Variants in KCNC2 observed in about 807,000 individuals in gnomAD.
KCNC2 encodes potassium voltage-gated channel subfamily C member 2, also known as voltage-gated potassium channel KCNC2.
Under a neutral mutation model 44.5 loss-of-function variants are expected in KCNC2, and 21 were observed. That is an observed-to-expected ratio of 0.47 (90% CI 0.33 to 0.68). KCNC2 has a LOEUF of 0.68. KCNC2 is among the 30% of genes least tolerant of loss of function. The probability of loss-of-function intolerance (pLI) is 0.01; values close to 1 mark genes in which losing one functional copy is unlikely to be tolerated. For missense variants in KCNC2, 589 were observed against 826.2 expected, an observed-to-expected ratio of 0.71 and a Z score of 3.52; for synonymous variants, 391 against 339.1, an observed-to-expected ratio of 1.15 and a Z score of -1.68.
chr12:75,115,941 G>T (rs1242211490), intron 2 of KCNC2, among the ~76,000 whole-genome samples: 3 of 152,054 alleles, frequency 2.0e-5, no homozygotes, highest in Non-Finnish European at 4.4e-5. Context: ...GAAATTACAG[G>T]TTGCTTGAGC....
intron 2 of KCNC2, among the ~76,000 whole-genome samples, chr12:75,052,141 T>C (rs1881247141): frequency 6.6e-6 from 1 of 152,104 alleles, no homozygotes; most frequent in South Asian, 2.1e-4. Flanking sequence ...TAGTTCTTAG[T>C]AGTACCATAT....
At chr12:75,059,187 T>C (rs1313084661) in intron 2 of KCNC2, among the ~76,000 whole-genome samples, 2 of 152,138 alleles carry the variant, frequency 1.3e-5, no homozygotes, top group Non-Finnish European at 2.9e-5. Context: ...AAGAGATTGA[T>C]TGATTGGCTG....
At chr12:75,115,820 G>A (rs952742787) in intron 2 of KCNC2, among the ~76,000 whole-genome samples, 1 of 151,928 alleles carries the variant, frequency 6.6e-6, no homozygotes, top group Non-Finnish European at 1.5e-5. Context: ...TTAAGAATGA[G>A]AGCTCTGGAC....
At chr12:75,174,267 T>C (rs1306276340) in intron 2 of KCNC2, among the ~76,000 whole-genome samples, 3 of 151,866 alleles carry the variant, frequency 2.0e-5, no homozygotes, top group African/African-American at 7.2e-5. Flanking sequence ...AATAACAAAC[T>C]TGAACATTCT....
intron 2 of KCNC2, among the ~76,000 whole-genome samples, chr12:75,080,451 C>G (rs556867278): frequency 6.6e-6 from 1 of 151,994 alleles, no homozygotes; most frequent in East Asian, 1.9e-4. Context: ...CAAGTCATCT[C>G]TTGGTATAAA....
chr12:75,088,831 AATAT>A (rs1430778414), intron 2 of KCNC2, among the ~76,000 whole-genome samples: 1 of 152,022 alleles, frequency 6.6e-6, no homozygotes, highest in East Asian at 1.9e-4. Context: ...TATATAATCT[AATAT>A]ATAAAACAAC....
chr12:75,189,075 G>T (rs2029946170), intron 2 of KCNC2, among the ~76,000 whole-genome samples: 1 of 152,076 alleles, frequency 6.6e-6, no homozygotes, highest in Admixed American at 6.6e-5. Context: ...ATATTGACAG[G>T]ACTAGTGAAA....
intron 2 of KCNC2, among the ~76,000 whole-genome samples, chr12:75,055,709 A>G (rs1881668626): frequency 6.6e-6 from 1 of 152,062 alleles, no homozygotes; most frequent in African/African-American, 2.4e-5. Flanking sequence ...CATGTATTTA[A>G]TTACAGAGAA....
chr12:75,059,402 GTTCTC>G (rs1435398355), intron 2 of KCNC2, among the ~76,000 whole-genome samples: 1 of 152,008 alleles, frequency 6.6e-6, no homozygotes, highest in African/African-American at 2.4e-5. Context: ...TTACAGTGGA[GTTCTC>G]TAGAGGCTAC....
At chr12:75,152,171 C>G (rs1197154728) in intron 2 of KCNC2, among the ~76,000 whole-genome samples, 2 of 149,988 alleles carry the variant, frequency 1.3e-5, no homozygotes, top group East Asian at 3.9e-4. Context: ...ATGACATTTC[C>G]AGGAGAAGAT....
chr12:75,114,393 C>T (rs1008365716), intron 2 of KCNC2, among the ~76,000 whole-genome samples: 2 of 152,240 alleles, frequency 1.3e-5, no homozygotes, highest in African/African-American at 4.8e-5. Context: ...AGGCATTATT[C>T]ATTTACTTGA....
chr12:75,063,770 G>T (rs1294664472), intron 2 of KCNC2, among the ~76,000 whole-genome samples: 1 of 152,080 alleles, frequency 6.6e-6, no homozygotes, highest in African/African-American at 2.4e-5. Context: ...AGCAAAATAT[G>T]CATATGAACC....
At chr12:75,058,394 C>G (rs1881969350) in intron 2 of KCNC2, among the ~76,000 whole-genome samples, 1 of 151,854 alleles carries the variant, frequency 6.6e-6, no homozygotes, top group Admixed American at 6.6e-5. Flanking sequence ...ATGATATGAA[C>G]TGCTCTACCA....
chr12:75,050,933 T>G lies in KCNC2; in HGVS notation c.1072A>C (p.Ile358Leu), dbSNP rs774800739. The change falls in exon 3 of 5, where the codon ATT becomes CTT. Residue 358 changes from isoleucine to leucine, a missense_variant. Transcript: ENST00000549446. ...RVVRFVRILR[I>L]FKLTRHFVGL... ...ACAAAATGGCGGGTGAGCTTGAAAA[T>G]TCTCAGGATCCTCACAAACCTTACC... 1.2e-6 allele frequency: 2 copies of G among 1,613,308 alleles called. No homozygotes were observed. Among genetic ancestry groups the G allele is most frequent in the Admixed American group, 1.7e-5 (1 of 59,890 alleles).
chr12:75,204,800 ATGG>A (rs2031557733), intron 2 of KCNC2, among the ~76,000 whole-genome samples: 1 of 152,144 alleles, frequency 6.6e-6, no homozygotes, highest in Non-Finnish European at 1.5e-5. Flanking sequence ...TTTAAATAGA[ATGG>A]TGACTTATGA....
intron 2 of KCNC2, among the ~76,000 whole-genome samples, chr12:75,076,722 C>T (rs1884022044): frequency 6.6e-6 from 1 of 152,108 alleles, no homozygotes; most frequent in African/African-American, 2.4e-5. Flanking sequence ...TTCAATAGCC[C>T]CAATACACAC....
At chr12:75,187,822 C>T (rs185007642) in intron 2 of KCNC2, among the ~76,000 whole-genome samples, 1 of 152,224 alleles carries the variant, frequency 6.6e-6, no homozygotes, top group African/African-American at 2.4e-5. Flanking sequence ...TTTAAAAATA[C>T]ACCTGTAACA....
At chr12:75,125,146 C>A (rs1888324847) in intron 2 of KCNC2, among the ~76,000 whole-genome samples, 1 of 152,054 alleles carries the variant, frequency 6.6e-6, no homozygotes, top group African/African-American at 2.4e-5. Context: ...AAATGGTAAC[C>A]AAGCAGGCAA....
At chr12:75,064,598 G>T (rs1236353401) in intron 2 of KCNC2, among the ~76,000 whole-genome samples, 1 of 151,974 alleles carries the variant, frequency 6.6e-6, no homozygotes, top group Non-Finnish European at 1.5e-5. Flanking sequence ...TGTTGGTATT[G>T]TTATTAGAAG....
Sources: gnomAD v4.1 joint callset for allele counts (sites outside exome capture counted in the v4.1 genomes callset) on GRCh38, gnomAD v4.1.1 for gene constraint, MANE v1.5 for transcripts, NCBI Gene and HGNC (gene_info 2026-07-23, HGNC 2026-07-21) for gene names.